Variants in ARHGAP40 observed in about 807,000 individuals in gnomAD.
ARHGAP40 encodes the protein Rho GTPase activating protein 40.
Under a neutral mutation model 73.5 loss-of-function variants are expected in ARHGAP40, and 43 were observed. The observed-to-expected ratio is 0.58, with a 90% CI of 0.46 to 0.75. ARHGAP40 has a LOEUF of 0.75. Among genes scored for constraint, ARHGAP40 ranks in the 30% least tolerant of loss-of-function variants. The probability of loss-of-function intolerance (pLI) is 0.00; values close to 1 mark genes in which losing one functional copy is unlikely to be tolerated. For missense variants in ARHGAP40, 734 were observed against 861.8 expected, an observed-to-expected ratio of 0.85 and a Z score of 1.86; for synonymous variants, 300 against 352.8, an observed-to-expected ratio of 0.85 and a Z score of 1.68.
chr20:38,617,391 C>T (rs2088848034), intron 1 of ARHGAP40, among the ~76,000 whole-genome samples: 1 of 152,078 alleles, frequency 6.6e-6, no homozygotes, highest in Admixed American at 6.5e-5. Flanking sequence ...CTGCTATGAC[C>T]TCACGGGCAA....
At position 38,643,869 on chromosome 20, in the gene ARHGAP40, G is replaced by A. The variant is rs780805185; in HGVS notation, c.1528G>A (p.Val510Met). Residue 510 changes from valine (V) to methionine (M), a missense_variant, in exon 11 of 15, where the codon GTG becomes ATG. Val to Met is a conservative substitution (Grantham distance 21, BLOSUM62 1). Coordinates refer to ENST00000373345, the Ensembl canonical transcript of ARHGAP40. Reference sequence around the variant, plus strand: ...GCAGCTGGCAGAAGGGGCAGCCGAGGTGGTGCAGATAATGGTGCACTACCA... The same window carrying A: ...GCAGCTGGCAGAAGGGGCAGCCGAGATGGTGCAGATAATGGTGCACTACCA... 29 of 1,305,110 alleles carry A rather than the reference G, an allele frequency of 2.2e-5. No individual in the cohort carries two copies. Among genetic ancestry groups the A allele is most frequent in the Non-Finnish European group, 2.4e-5 (24 of 988,866 alleles). The allele number at this position is 1,305,110 out of a possible 1,614,324, so 80.8% of individuals were successfully genotyped here. A position where few individuals can be genotyped will look rare whatever the true frequency, so the allele number is the denominator to read the frequency against.
intron 1 of ARHGAP40, chr20:38,614,879 A>G (rs2088825659): frequency 8.1e-7 from 1 of 1,235,226 alleles, no homozygotes; most frequent in South Asian, 1.2e-5. Flanking sequence ...TGAGCGTCAC[A>G]TCCCCCAGCA....
chr20:38,625,575 C>T (rs2088894581), intron 2 of ARHGAP40, among the ~76,000 whole-genome samples: 1 of 152,246 alleles, frequency 6.6e-6, no homozygotes, highest in East Asian at 1.9e-4. Context: ...TTCACCACCA[C>T]ACCCGTCTAA....
chr20:38,649,407 G>C (rs1437968792), intron 14 of ARHGAP40, among the ~76,000 whole-genome samples: 1 of 152,190 alleles, frequency 6.6e-6, no homozygotes, highest in Non-Finnish European at 1.5e-5. Context: ...GGAAGGGGCA[G>C]GGGCCAGGAG....
At chr20:38,602,373 C>T (rs188277989) in intron 1 of ARHGAP40, among the ~76,000 whole-genome samples, 19 of 147,670 alleles carry the variant, frequency 1.3e-4, no homozygotes, top group Admixed American at 8.9e-4. Context: ...CCGTGAGTGA[C>T]GCCAGTATGT....
At chr20:38,613,714 G>A (rs1037835802) in intron 1 of ARHGAP40, among the ~76,000 whole-genome samples, 1 of 152,146 alleles carries the variant, frequency 6.6e-6, no homozygotes. Context: ...TGCCTTCCCT[G>A]TCTCTCAGCC....
Position 38,639,416 on chromosome 20 carries a change from A to C in ARHGAP40, c.1279+30A>C, listed in dbSNP as rs1161812742. On this transcript the variant is annotated intron_variant, in intron 9 of 14. Coordinates refer to ENST00000373345, the Ensembl canonical transcript of ARHGAP40. ...GTGTGCCCAAGCCCTTAGCCTGTGC[A>C]GGGATGGAGAGTTGGCTCACTGGCC... 4 of 1,290,142 alleles carry C rather than the reference A, an allele frequency of 3.1e-6. No homozygotes were observed. The East Asian group carries it at 2.3e-4, about 73-fold the overall frequency. 79.9% of individuals were successfully genotyped at this position (1,290,142 alleles called of 1,614,324 possible).
chr20:38,602,337 G>T (rs151331918), intron 1 of ARHGAP40, among the ~76,000 whole-genome samples: 2,282 of 152,278 alleles, frequency 0.015, 28 homozygotes, highest in Middle Eastern at 0.075. Flanking sequence ...TCCTGCAGGG[G>T]TCACTGATTT....
At chr20:38,641,844 C>T (rs780010991) in intron 10 of ARHGAP40, 36 bp downstream of exon 10, 8 of 1,240,592 alleles carry the variant, frequency 6.4e-6, no homozygotes, top group African/African-American at 6.4e-5. Context: ...ACTCTGCCAT[C>T]TCAGCCCACA....
chr20:38,649,849 A>G, exon 15 of ARHGAP40: 1 of 1,304,752 alleles, frequency 7.7e-7, no homozygotes, highest in Non-Finnish European at 1.0e-6. Flanking sequence ...CCCCACCTAA[A>G]CCCTGCGAGT....
intron 1 of ARHGAP40, among the ~76,000 whole-genome samples, chr20:38,603,357 G>A (rs1359035907): frequency 6.6e-6 from 1 of 152,188 alleles, no homozygotes; most frequent in African/African-American, 2.4e-5. Flanking sequence ...CTCAGGATAG[G>A]ATTTTAATAA....
At chr20:38,627,862 A>G (rs914773187) in intron 3 of ARHGAP40, among the ~76,000 whole-genome samples, 4 of 152,144 alleles carry the variant, frequency 2.6e-5, no homozygotes, top group Admixed American at 6.5e-5. Context: ...TTCTTTCTAT[A>G]TAATTGTTAT....
At chr20:38,649,959 A>T in exon 15 of ARHGAP40, 2 of 774,444 alleles carry the variant, frequency 2.6e-6, no homozygotes, top group Non-Finnish European at 3.8e-6. Flanking sequence ...TCTGAGTTTT[A>T]TTCCAAGGCT....
intron 11 of ARHGAP40, among the ~76,000 whole-genome samples, chr20:38,645,149 C>CT (rs202158541): frequency 0.17 from 25,052 of 147,526 alleles, 2,573 homozygotes; most frequent in Non-Finnish European, 0.24. Flanking sequence ...ATTCCCTTCC[C>CT]TTTTTTTTTT....
chr20:38,628,532 C>T (rs1437559592), intron 3 of ARHGAP40, among the ~76,000 whole-genome samples: 1 of 152,154 alleles, frequency 6.6e-6, no homozygotes, highest in Non-Finnish European at 1.5e-5. Flanking sequence ...TCTCTATCTC[C>T]TGACCTGGTG....
chr20:38,617,088 G>T (rs2088844872), intron 1 of ARHGAP40, among the ~76,000 whole-genome samples: 1 of 152,166 alleles, frequency 6.6e-6, no homozygotes, highest in African/African-American at 2.4e-5. Context: ...CACCACTTTT[G>T]GGGGAAGCCC....
At chr20:38,638,911 GA>G (rs2088995191) in intron 8 of ARHGAP40, 73 bp downstream of exon 8, 1 of 1,236,822 alleles carries the variant, frequency 8.1e-7, no homozygotes, top group African/African-American at 1.6e-5. Flanking sequence ...AGCCGGGAGG[GA>G]AACCAGTCCC....
chr20:38,604,455 G>A (rs940532803), intron 1 of ARHGAP40, among the ~76,000 whole-genome samples: 1 of 151,154 alleles, frequency 6.6e-6, no homozygotes, highest in Non-Finnish European at 1.5e-5. Context: ...GAGTACAATG[G>A]CACGATCTCG....
intron 13 of ARHGAP40, among the ~76,000 whole-genome samples, chr20:38,647,983 G>A (rs191119471): frequency 7.9e-5 from 12 of 152,300 alleles, no homozygotes; most frequent in African/African-American, 2.4e-4. Flanking sequence ...GAAGAAGGTC[G>A]GGGGCTGATG....
Sources: gnomAD v4.1 joint callset for allele counts (sites outside exome capture counted in the v4.1 genomes callset) on GRCh38, gnomAD v4.1.1 for gene constraint, MANE v1.5 for transcripts, NCBI Gene and HGNC (gene_info 2026-07-23, HGNC 2026-07-21) for gene names.